The following CACNB2 variants were observed in gnomAD, a reference collection of about 807,000 sequenced individuals.
CACNB2 encodes voltage-dependent L-type calcium channel subunit beta-2.
Under a neutral mutation model 73.3 loss-of-function variants are expected in CACNB2, and 42 were observed. The ratio of observed to expected loss-of-function variants is 0.57; its 90% CI spans 0.45 to 0.74. The LOEUF is 0.74. CACNB2 is among the 30% of genes least tolerant of loss of function. The pLI is 0.00. For missense variants in CACNB2, 940 were observed against 853.0 expected (o/e 1.10, Z -1.27); for synonymous variants, 348 against 310.3 (o/e 1.12, Z -1.28).
chr10:18,514,448 C>A, intron 7 of CACNB2, 79 bp downstream of exon 7: 4 of 1,613,310 alleles, frequency 2.5e-6, no homozygotes, highest in Non-Finnish European at 3.4e-6. Context: ...TGACTGTCTG[C>A]GTCCTTTGAT....
At chr10:18,393,028 A>G (rs1253654172) in intron 2 of CACNB2, among the ~76,000 whole-genome samples, 1 of 152,012 alleles carries the variant, frequency 6.6e-6, no homozygotes, top group Non-Finnish European at 1.5e-5. Flanking sequence ...GACCAACATG[A>G]TGAAACCCCA....
At chr10:18,492,620 CAAAAAAA>C (rs371407084) in intron 3 of CACNB2, among the ~76,000 whole-genome samples, 12 of 90,508 alleles carry the variant, frequency 1.3e-4, no homozygotes, top group African/African-American at 2.7e-4. Context: ...GACTCTGTCT[CAAAAAAA>C]AAAAAAAAAA....
chr10:18,366,255 G>A (rs2132255109), intron 2 of CACNB2, among the ~76,000 whole-genome samples: 1 of 150,730 alleles, frequency 6.6e-6, no homozygotes, highest in South Asian at 2.1e-4. Context: ...CACGAGGTCA[G>A]GAATTCGAGA....
At chr10:18,169,650 C>G (rs528661934) in intron 2 of CACNB2, among the ~76,000 whole-genome samples, 1 of 152,132 alleles carries the variant, frequency 6.6e-6, no homozygotes, top group Non-Finnish European at 1.5e-5. Context: ...TACTAGGTAG[C>G]GGAGATTAAC....
intron 2 of CACNB2, among the ~76,000 whole-genome samples, chr10:18,324,180 T>A (rs2040496706): frequency 6.6e-6 from 1 of 152,230 alleles, no homozygotes; most frequent in African/African-American, 2.4e-5. Context: ...CATGAGGAGC[T>A]TCGGCATTAC....
intron 3 of CACNB2, among the ~76,000 whole-genome samples, chr10:18,477,494 C>T (rs887703832): frequency 7.2e-5 from 11 of 152,162 alleles, no homozygotes; most frequent in Non-Finnish European, 1.5e-4. Flanking sequence ...TTTAGTAATG[C>T]CATGACTGTG....
intron 4 of CACNB2, among the ~76,000 whole-genome samples, chr10:18,499,934 G>A (rs2050101725): frequency 6.6e-6 from 1 of 152,008 alleles, no homozygotes; most frequent in African/African-American, 2.4e-5. Flanking sequence ...TCATGTCACT[G>A]CACTCCAGCC....
intron 2 of CACNB2, among the ~76,000 whole-genome samples, chr10:18,293,405 C>T (rs1315679608): frequency 2.6e-5 from 4 of 152,182 alleles, no homozygotes; most frequent in African/African-American, 7.2e-5. Context: ...TCTGCCAGCA[C>T]ATAAACATTA....
intron 2 of CACNB2, chr10:18,340,601 T>TGA: frequency 9.9e-7 from 1 of 1,015,072 alleles, no homozygotes; most frequent in South Asian, 2.0e-5. Flanking sequence ...TACTGTACTT[T>TGA]GACAAGTTTG....
intron 2 of CACNB2, among the ~76,000 whole-genome samples, chr10:18,241,310 T>G (rs1262533741): frequency 6.6e-6 from 1 of 152,106 alleles, no homozygotes; most frequent in Non-Finnish European, 1.5e-5. Context: ...GATAAATAAA[T>G]AAAATGCATT....
chr10:18,203,517 C>T (rs2034970652), intron 2 of CACNB2, among the ~76,000 whole-genome samples: 1 of 151,814 alleles, frequency 6.6e-6, no homozygotes, highest in African/African-American at 2.4e-5. Context: ...TCTATTTTTC[C>T]ACATTACATC....
chr10:18,348,139 A>G (rs559546293), intron 2 of CACNB2, among the ~76,000 whole-genome samples: 3 of 152,348 alleles, frequency 2.0e-5, no homozygotes, highest in African/African-American at 7.2e-5. Context: ...TGTTGACGAA[A>G]TTGCCACTTA....
intron 3 of CACNB2, among the ~76,000 whole-genome samples, chr10:18,463,901 G>A (rs1368112976): frequency 6.6e-6 from 1 of 152,008 alleles, no homozygotes; most frequent in Non-Finnish European, 1.5e-5. Context: ...TCCCAGCCAG[G>A]CCTTTGACAA....
At chr10:18,460,106 G>T (rs944933256) in intron 3 of CACNB2, among the ~76,000 whole-genome samples, 1 of 152,170 alleles carries the variant, frequency 6.6e-6, no homozygotes, top group Non-Finnish European at 1.5e-5. Context: ...ATATACACAC[G>T]TACACACATA....
At chr10:18,190,254 G>A (rs1424599165) in intron 2 of CACNB2, among the ~76,000 whole-genome samples, 1 of 152,184 alleles carries the variant, frequency 6.6e-6, no homozygotes, top group Non-Finnish European at 1.5e-5. Flanking sequence ...CAGTAATACA[G>A]ATACAATAAC....
At chr10:18,538,580 T>TAAAC (rs1181070590) in intron 13 of CACNB2, among the ~76,000 whole-genome samples, 3 of 152,114 alleles carry the variant, frequency 2.0e-5, no homozygotes, top group African/African-American at 4.8e-5. Context: ...CGAAACTTTC[T>TAAAC]AAACAGTAGC....
chr10:18,466,413 T>C (rs2047889597), intron 3 of CACNB2, among the ~76,000 whole-genome samples: 2 of 151,860 alleles, frequency 1.3e-5, no homozygotes, highest in Admixed American at 6.6e-5. Context: ...CTAAATTTTT[T>C]ACAGAGACGA....
chr10:18,235,506 T>C (rs775689256), intron 2 of CACNB2, among the ~76,000 whole-genome samples: 3 of 152,228 alleles, frequency 2.0e-5, no homozygotes, highest in African/African-American at 7.2e-5. Flanking sequence ...TTGTAGGTTA[T>C]GTATATTTAG....
chr10:18,263,281 G>A (rs916578543), intron 2 of CACNB2, among the ~76,000 whole-genome samples: 26 of 152,122 alleles, frequency 1.7e-4, no homozygotes, highest in Non-Finnish European at 1.3e-4. Flanking sequence ...AGATTTGACC[G>A]CAAAGCAGAT....
Sources: allele counts gnomAD v4.1 joint callset (sites outside exome capture counted in the v4.1 genomes callset), GRCh38; gene constraint gnomAD v4.1.1; transcripts MANE v1.5; gene names NCBI Gene and HGNC (gene_info 2026-07-23, HGNC 2026-07-21).